Variants in IQSEC1 observed in about 807,000 individuals in gnomAD.
IQSEC1 encodes the protein IQ motif and Sec7 domain ArfGEF 1.
IQSEC1 carries 31 observed loss-of-function variants against 91.0 expected under a neutral mutation model. That is an observed-to-expected ratio of 0.34 (90% CI 0.26 to 0.46). The LOEUF is 0.46. Among genes scored for constraint, IQSEC1 ranks in the 20% least tolerant of loss-of-function variants. The pLI is 1.00. For synonymous variants in IQSEC1, 699 were observed against 662.6 expected (o/e 1.05, Z -0.84); for missense variants, 1,388 against 1,575.6 (o/e 0.88, Z 2.02).
intron 2 of IQSEC1, among the ~76,000 whole-genome samples, chr3:12,937,306 C>T (rs1249686033): frequency 1.3e-5 from 2 of 152,194 alleles, no homozygotes; most frequent in Admixed American, 1.3e-4. Context: ...AAGCCCCTGG[C>T]CCTGGTGCAT....
chr3:13,233,777 T>A (rs527993710), intron 1 of IQSEC1, among the ~76,000 whole-genome samples: 69 of 152,066 alleles, frequency 4.5e-4, no homozygotes, highest in African/African-American at 1.6e-3. Context: ...CAGGGAAGAG[T>A]GAGGGCTCCC....
intron 2 of IQSEC1, among the ~76,000 whole-genome samples, chr3:13,122,839 G>T (rs115534057): frequency 1.3e-5 from 2 of 151,854 alleles, no homozygotes; most frequent in African/African-American, 4.9e-5. Context: ...AGACCCTCGA[G>T]GGGGAGGCAG....
At chr3:12,930,647 C>T (rs1379608348) in intron 3 of IQSEC1, among the ~76,000 whole-genome samples, 2 of 152,228 alleles carry the variant, frequency 1.3e-5, no homozygotes, top group East Asian at 3.8e-4. Context: ...AGGGGCAGGG[C>T]CAACCCTAAG....
At chr3:13,098,499 G>A (rs1706002345) in intron 2 of IQSEC1, among the ~76,000 whole-genome samples, 1 of 152,152 alleles carries the variant, frequency 6.6e-6, no homozygotes, top group African/African-American at 2.4e-5. Context: ...AGAATCAGGA[G>A]GGTCAAGAGG....
chr3:13,162,357 T>C (rs935200327), intron 2 of IQSEC1, among the ~76,000 whole-genome samples: 13 of 152,202 alleles, frequency 8.5e-5, no homozygotes, highest in African/African-American at 2.4e-5. Context: ...GCCATCTCCT[T>C]CCTGAGCCTG....
intron 1 of IQSEC1, among the ~76,000 whole-genome samples, chr3:12,964,366 T>C (rs928599738): frequency 1.3e-5 from 2 of 151,860 alleles, no homozygotes; most frequent in Non-Finnish European, 2.9e-5. Flanking sequence ...TCCGGTGGTG[T>C]TTGAGCCCAT....
chr3:13,000,071 T>C (rs1055456929), intron 1 of IQSEC1, among the ~76,000 whole-genome samples: 10 of 152,236 alleles, frequency 6.6e-5, no homozygotes, highest in African/African-American at 2.4e-4. Flanking sequence ...CATATCATTG[T>C]GTATTAGCAC....
At position 12,922,534 on chromosome 3, in the gene IQSEC1, T is replaced by C. The variant is rs1306535366; in HGVS notation, c.1731-292A>G. Reference sequence around the variant, plus strand: ...ATATGGTTATCTGGATCAAAGCCCTTCCCAAGAGACAAGCATTTTTAAGCA... The same window carrying C: ...ATATGGTTATCTGGATCAAAGCCCTCCCCAAGAGACAAGCATTTTTAAGCA... On this transcript the variant is annotated intron_variant, in intron 4 of 13. Coordinates refer to ENST00000613206, the MANE Select transcript of IQSEC1 (RefSeq NM_001134382.3). This position sits in a 1 kb window ranked among gnomAD's most constrained non-coding sequence, Gnocchi z 5.1. Among the ~76,000 whole-genome samples, 3 of 152,080 alleles carry C rather than the reference T, an allele frequency of 2.0e-5. No homozygotes were observed. The highest frequency in any genetic ancestry group is 7.2e-5 in the African/African-American group (3 of 41,408).
At chr3:12,991,318 G>A (rs770448521) in intron 1 of IQSEC1, among the ~76,000 whole-genome samples, 2 of 152,214 alleles carry the variant, frequency 1.3e-5, no homozygotes, top group Admixed American at 6.5e-5. Context: ...AAAGCAGGGC[G>A]AGGCGGGGGC....
In IQSEC1 at chr3:13,071,153, G is replaced by GTTTTTTTTTTTTTT. The variant is rs796412810; in HGVS notation, c.23+1838_23+1839insAAAAAAAAAAAAAA. ...GGTGGGACCCACACAGTTTTTTTTT[G>GTTTTTTTTTTTTTT]TTTTTTTTTTTTTGTTTGTTTCTTT... On this transcript the variant is annotated intron_variant, in intron 1 of 13. Coordinates refer to ENST00000613206, the MANE Select transcript of IQSEC1 (RefSeq NM_001134382.3). 1.5e-4 allele frequency among the ~76,000 whole-genome samples: 14 copies of GTTTTTTTTTTTTTT among 90,968 alleles called. 1 individual carries two copies. Among genetic ancestry groups the GTTTTTTTTTTTTTT allele is most frequent in the South Asian group, 3.5e-4 (1 of 2,834 alleles). The allele number at this position is 90,968 out of a possible 152,430, so 59.7% of individuals were successfully genotyped here. A position where few individuals can be genotyped will look rare whatever the true frequency, so the allele number is the denominator to read the frequency against.
chr3:12,960,924 G>A (rs1700203700), intron 1 of IQSEC1, among the ~76,000 whole-genome samples: 1 of 152,252 alleles, frequency 6.6e-6, no homozygotes, highest in African/African-American at 2.4e-5. Flanking sequence ...TGACAGGCAA[G>A]GAGGCAGCAG....
intron 1 of IQSEC1, among the ~76,000 whole-genome samples, chr3:13,198,450 G>T (rs940718810): frequency 2.0e-5 from 3 of 152,094 alleles, no homozygotes; most frequent in Non-Finnish European, 2.9e-5. Flanking sequence ...TAGGCGGGGG[G>T]CAGGAAGGGG....
At chr3:13,068,737 C>T (rs963466200) in intron 1 of IQSEC1, among the ~76,000 whole-genome samples, 6 of 152,206 alleles carry the variant, frequency 3.9e-5, no homozygotes, top group African/African-American at 9.7e-5. Flanking sequence ...CCCCTGCACC[C>T]GGGGCCCCCA....
intron 2 of IQSEC1, among the ~76,000 whole-genome samples, chr3:13,115,738 C>A (rs757917440): frequency 4.6e-5 from 7 of 152,216 alleles, no homozygotes; most frequent in Non-Finnish European, 8.8e-5. Context: ...CCTCTCCGGG[C>A]GCTGAATGCA....
At chr3:13,043,422 AC>A (rs1704362428) in intron 1 of IQSEC1, among the ~76,000 whole-genome samples, 5 of 151,944 alleles carry the variant, frequency 3.3e-5, no homozygotes, top group Non-Finnish European at 7.4e-5. Flanking sequence ...TACAGTAGCC[AC>A]CCTCACCCCC....
intron 1 of IQSEC1, among the ~76,000 whole-genome samples, chr3:12,984,035 G>A (rs532794205): frequency 6.6e-6 from 1 of 152,294 alleles, no homozygotes; most frequent in Non-Finnish European, 1.5e-5. Context: ...GGTACAGAGT[G>A]CCAGAAACAG....
rs1575818391 is a variant in IQSEC1, at chr3:12,898,428, A to C, written c.*2555T>G. ...CGGGAAGGGCTCAGTGGGTTCCAGCAGTTCCTTACGCGAGGCCCTGCTGCC... is the reference window on the plus strand; with the variant it reads ...CGGGAAGGGCTCAGTGGGTTCCAGCCGTTCCTTACGCGAGGCCCTGCTGCC... On this transcript the variant is annotated 3_prime_UTR_variant, in exon 14 of 14. Transcript: ENST00000613206. 6.6e-6 allele frequency: 1 copy of C among 152,406 alleles called. No individual in the cohort carries two copies. Among genetic ancestry groups the C allele is most frequent in the East Asian group, 1.9e-4 (1 of 5,190 alleles). 9.4% of individuals were successfully genotyped at this position (152,406 alleles called of 1,614,324 possible).
intron 1 of IQSEC1, among the ~76,000 whole-genome samples, chr3:13,251,628 C>G (rs1695195112): frequency 6.6e-6 from 1 of 152,212 alleles, no homozygotes. Flanking sequence ...CAGCTCAGAG[C>G]TGGAGCCTGG....
intron 13 of IQSEC1, among the ~76,000 whole-genome samples, chr3:12,902,381 G>A (rs186793472): frequency 6.1e-4 from 93 of 152,204 alleles, no homozygotes; most frequent in Admixed American, 1.6e-3. Context: ...AGCAAGTGTG[G>A]AGGGTGAGTG....
Sources: gnomAD v4.1 joint callset for allele counts (sites outside exome capture counted in the v4.1 genomes callset) on GRCh38, gnomAD v4.1.1 for gene constraint, Gnocchi (gnomAD v3.1) non-coding constraint, MANE v1.5 for transcripts, NCBI Gene and HGNC (gene_info 2026-07-23, HGNC 2026-07-21) for gene names.